TRPC6: variants seen among roughly 807,000 people sequenced by gnomAD.
TRPC6 encodes the protein transient receptor potential cation channel subfamily C member 6, also known as short transient receptor potential channel 6.
TRPC6 carries 55 observed loss-of-function variants against 90.7 expected under a neutral mutation model. That is an observed-to-expected ratio of 0.61 (90% CI 0.49 to 0.76). TRPC6 has a LOEUF of 0.76. TRPC6 is among the 30% of genes least tolerant of loss of function. The pLI is 0.00. For synonymous variants in TRPC6, 393 were observed against 393.0 expected, an observed-to-expected ratio of 1.00 and a Z score of 0.00; for missense variants, 989 against 1,122.7, an observed-to-expected ratio of 0.88 and a Z score of 1.70.
intron 10 of TRPC6, among the ~76,000 whole-genome samples, chr11:101,458,922 A>G (rs1858942997): frequency 6.6e-6 from 1 of 152,216 alleles, no homozygotes; most frequent in Non-Finnish European, 1.5e-5. Flanking sequence ...ATTAAGCATA[A>G]GCCATATGAG....
chr11:101,491,576 T>C lies in TRPC6; in HGVS notation c.1108A>G (p.Ile370Val), dbSNP rs752514345. Residue 370 changes from isoleucine to valine, a missense_variant, in exon 3 of 13, where the codon ATT becomes GTT. Physicochemically the swap from Ile to Val is conservative, Grantham distance 29. Around this residue, in one of 4 missense-constraint regions of TRPC6, gnomAD observed 486 missense variants for 591.9 expected, o/e 0.82. Coordinates refer to ENST00000344327, the MANE Select transcript of TRPC6 (RefSeq NM_004621.6). ...CTTACTTTTTTTACTTCATATTTAA[T>C]GGCAAGTTTTAAACGGCTGAGATTT... ...RPNLSRLKLA[I>V]KYEVKKFVAH... is the part of the protein sequence containing the mutation. The C allele has an allele frequency of 1.9e-6, 3 of 1,614,022 alleles. No homozygotes were observed. The highest frequency in any genetic ancestry group is 1.1e-5 in the South Asian group (1 of 91,078).
chr11:101,542,287 T>C (rs1200619307), intron 1 of TRPC6, among the ~76,000 whole-genome samples: 1 of 152,218 alleles, frequency 6.6e-6, no homozygotes, highest in Non-Finnish European at 1.5e-5. Flanking sequence ...CAATTATAAA[T>C]AGGGTGCTAA....
At chr11:101,516,022 G>C (rs1435038180) in intron 1 of TRPC6, among the ~76,000 whole-genome samples, 2 of 151,304 alleles carry the variant, frequency 1.3e-5, no homozygotes, top group Non-Finnish European at 2.9e-5. Flanking sequence ...GAAATGTTTG[G>C]AGATCACTCC....
At chr11:101,575,520 A>C (rs539978219) in intron 1 of TRPC6, among the ~76,000 whole-genome samples, 8 of 152,160 alleles carry the variant, frequency 5.3e-5, no homozygotes, top group Non-Finnish European at 7.4e-5. Context: ...ATAAAAATGC[A>C]TATCTCATAG....
At chr11:101,486,313 A>G (rs1304365832) in intron 4 of TRPC6, among the ~76,000 whole-genome samples, 3 of 152,096 alleles carry the variant, frequency 2.0e-5, no homozygotes, top group Non-Finnish European at 2.9e-5. Flanking sequence ...TGGGATATAG[A>G]CAAATTTCCA....
chr11:101,530,736 A>C (rs1485141721), intron 1 of TRPC6, among the ~76,000 whole-genome samples: 1 of 152,200 alleles, frequency 6.6e-6, no homozygotes, highest in Non-Finnish European at 1.5e-5. Flanking sequence ...CCCTGGTAAC[A>C]GGCCTGCCAA....
chr11:101,453,589 T>C, intron 12 of TRPC6, 61 bp downstream of exon 12: 6 of 1,513,086 alleles, frequency 4.0e-6, no homozygotes, highest in South Asian at 1.1e-5. Context: ...CCAGGCACTC[T>C]GCGCTAGGCC....
chr11:101,452,974 T>C lies in TRPC6; in HGVS notation c.2777A>G (p.Gln926Arg). ...TTCGCATTATCTATTGGTTTCCTCT[T>C]GATTTGGTTCCATGGATAATTTCTC... The part of the protein sequence containing the change: ...LGEKLSMEPN[Q>R]EETNR Residue 926 changes from glutamine (Q) to arginine (R), a missense_variant, in exon 13 of 13, where the codon CAA becomes CGA. Coordinates refer to ENST00000344327, the MANE Select transcript of TRPC6 (RefSeq NM_004621.6). The C allele has an allele frequency of 6.2e-7, 1 of 1,613,920 alleles. No individual in the cohort carries two copies. The highest frequency in any genetic ancestry group is 8.5e-7 in the Non-Finnish European group (1 of 1,179,842).
At chr11:101,533,858 T>C (rs1449162179) in intron 1 of TRPC6, among the ~76,000 whole-genome samples, 1 of 152,188 alleles carries the variant, frequency 6.6e-6, no homozygotes, top group Non-Finnish European at 1.5e-5. Flanking sequence ...CCAGCTTGTT[T>C]GATGTATTCA....
rs1591517734 is a variant in TRPC6 at position 101,452,888 on chromosome 11, A to C, written c.*67T>G. On this transcript the variant is annotated 3_prime_UTR_variant, in exon 13 of 13. Coordinates refer to ENST00000344327, the MANE Select transcript of TRPC6 (RefSeq NM_004621.6). ...AGGTGGGCCCATTGGCACTTAAGAA[A>C]ATAAATCAGAAAATAATATGGCTTC... 8 of 1,598,066 alleles carry C rather than the reference A, an allele frequency of 5.0e-6. No homozygotes were observed. The East Asian group carries it at 1.6e-4, about 31-fold the overall frequency.
chr11:101,498,008 A>C (rs1386506674), intron 2 of TRPC6, among the ~76,000 whole-genome samples: 1 of 152,230 alleles, frequency 6.6e-6, no homozygotes, highest in South Asian at 2.1e-4. Context: ...TCCTGGGCAC[A>C]TATTGAGAAC....
At chr11:101,472,380 A>C in intron 7 of TRPC6, 48 bp from the exon 8 acceptor site, 1 of 1,538,936 alleles carries the variant, frequency 6.5e-7, no homozygotes, top group South Asian at 1.2e-5. Flanking sequence ...TGTATAAATA[A>C]ATAACAATAT....
chr11:101,517,504 T>C (rs1860550726), intron 1 of TRPC6, among the ~76,000 whole-genome samples: 1 of 152,212 alleles, frequency 6.6e-6, no homozygotes, highest in Non-Finnish European at 1.5e-5. Flanking sequence ...TACTCGGTGA[T>C]TCTTTATTAC....
At chr11:101,492,121 G>A (rs1591083522) in intron 2 of TRPC6, among the ~76,000 whole-genome samples, 1 of 152,024 alleles carries the variant, frequency 6.6e-6, no homozygotes, top group Non-Finnish European at 1.5e-5. Flanking sequence ...TTACAGGCGT[G>A]AGCCACCATG....
At position 101,499,629 on chromosome 11, in the gene TRPC6, TATAAA is replaced by T. The variant is rs1860043877; in HGVS notation, c.945+4390_945+4394del. ...ATGGTATATATATATACACACACAA[TATAAA>T]ATGTGTATATATATATATACACAAT... On this transcript the variant is annotated intron_variant, in intron 2 of 12. Transcript: ENST00000344327. 1.5e-5 allele frequency among the ~76,000 whole-genome samples: 2 copies of T among 129,034 alleles called. 1 individual carries two copies. Among genetic ancestry groups the T allele is most frequent in the Non-Finnish European group, 3.2e-5 (2 of 61,836 alleles). The allele number at this position is 129,034 out of a possible 152,430, so 84.7% of individuals were successfully genotyped here.
At chr11:101,486,083 T>G (rs539714393) in intron 4 of TRPC6, among the ~76,000 whole-genome samples, 127 of 130,352 alleles carry the variant, frequency 9.7e-4, no homozygotes, top group Non-Finnish European at 1.4e-3. Flanking sequence ...GTTGGTGTTT[T>G]CTTGTTTTGT....
chr11:101,551,477 T>C (rs1004901358), intron 1 of TRPC6, among the ~76,000 whole-genome samples: 1 of 151,670 alleles, frequency 6.6e-6, no homozygotes, highest in Non-Finnish European at 1.5e-5. Flanking sequence ...AATAACTTAA[T>C]ACAAATTATT....
At chr11:101,583,015 G>A (rs1339754013) in intron 1 of TRPC6, among the ~76,000 whole-genome samples, 2 of 152,184 alleles carry the variant, frequency 1.3e-5, no homozygotes, top group Non-Finnish European at 2.9e-5. Context: ...TAGAGCGCAG[G>A]ATGAAGGGGT....
chr11:101,453,959 T>A (rs568390076), intron 11 of TRPC6, among the ~76,000 whole-genome samples: 1 of 152,168 alleles, frequency 6.6e-6, no homozygotes, highest in African/African-American at 2.4e-5. Flanking sequence ...TAGAAAAGAA[T>A]GTTTAGAGCA....
Sources: allele counts gnomAD v4.1 joint callset (sites outside exome capture counted in the v4.1 genomes callset), GRCh38; gene constraint gnomAD v4.1.1; regional missense constraint gnomAD v4.1.1; transcripts MANE v1.5; gene names NCBI Gene and HGNC (gene_info 2026-07-23, HGNC 2026-07-21).